The following GALNTL6 variants were observed in gnomAD, a reference collection of about 807,000 sequenced individuals.
GALNTL6 encodes the protein polypeptide N-acetylgalactosaminyltransferase-like 6.
GALNTL6 carries 46 observed loss-of-function variants against 73.7 expected under a neutral mutation model. That is an observed-to-expected ratio of 0.62 (90% CI 0.49 to 0.80). The LOEUF (loss-of-function observed/expected upper bound fraction) is 0.80. Among genes scored for constraint, GALNTL6 ranks in the 30% least tolerant of loss-of-function variants. GALNTL6 has a pLI of 0.00. For synonymous variants in GALNTL6, 259 were observed against 263.7 expected (o/e 0.98, Z 0.17); for missense variants, 604 against 755.0 (o/e 0.80, Z 2.34).
At chr4:172,935,184 G>A (rs1398489867) in intron 9 of GALNTL6, among the ~76,000 whole-genome samples, 1 of 152,206 alleles carries the variant, frequency 6.6e-6, no homozygotes, top group Non-Finnish European at 1.5e-5. Flanking sequence ...CAGACTGTGA[G>A]TGGGGCAGTC....
rs373903866 is a variant in GALNTL6 at position 171,883,726 on chromosome 4, C to T, written c.138+69008C>T. Reference sequence around the variant, plus strand: ...GCAGTGGCGCTATCTCAGCTCACTGCAAGCTCCGCCTCCCGGGTTCACGCC... The same window carrying T: ...GCAGTGGCGCTATCTCAGCTCACTGTAAGCTCCGCCTCCCGGGTTCACGCC... On this transcript the variant is annotated intron_variant, in intron 2 of 12. Transcript: ENST00000506823. Among the ~76,000 whole-genome samples the T allele has an allele frequency of 2.0e-3, 311 of 151,890 alleles. 1 individual carries two copies. Among genetic ancestry groups the T allele is most frequent in the African/African-American group, 7.0e-3 (289 of 41,462 alleles).
rs1240589473 is a variant in GALNTL6 at position 172,809,349 on chromosome 4, C to A, written c.554-12C>A. The A allele has an allele frequency of 6.2e-7, 1 of 1,611,206 alleles. No homozygotes were observed. Among genetic ancestry groups the A allele is most frequent in the South Asian group, 1.1e-5 (1 of 90,702 alleles). ...TTGCGTTTTTTCTATGCATTCTCTA[C>A]TTCCTACCTAGAACACCTGAAGGAT... On this transcript the variant is annotated splice_polypyrimidine_tract_variant and intron_variant, in intron 5 of 12. Coordinates refer to ENST00000506823, the MANE Select transcript of GALNTL6 (RefSeq NM_001034845.3). The surrounding 1 kb of genome is among the most constrained non-coding windows in gnomAD (Gnocchi z 4.4).
chr4:172,779,654 G>T (rs1463676175), intron 5 of GALNTL6, among the ~76,000 whole-genome samples: 2 of 152,196 alleles, frequency 1.3e-5, no homozygotes, highest in Non-Finnish European at 2.9e-5. Flanking sequence ...TTAGGGGAAT[G>T]GTTACTGTAG....
intron 2 of GALNTL6, among the ~76,000 whole-genome samples, chr4:172,010,590 A>C (rs553403345): frequency 2.7e-5 from 1 of 37,218 alleles, no homozygotes; most frequent in Admixed American, 4.7e-4. Flanking sequence ...GCTATTATTA[A>C]AATTTGGAAT....
At chr4:171,947,512 G>A (rs1738740293) in intron 2 of GALNTL6, among the ~76,000 whole-genome samples, 1 of 152,160 alleles carries the variant, frequency 6.6e-6, no homozygotes, top group Non-Finnish European at 1.5e-5. Context: ...TGAAGGACTT[G>A]AATGTTTTCA....
intron 5 of GALNTL6, among the ~76,000 whole-genome samples, chr4:172,764,124 A>T (rs764190402): frequency 2.0e-5 from 3 of 151,940 alleles, no homozygotes; most frequent in Middle Eastern, 3.4e-3. Flanking sequence ...GCGCCCAGCT[A>T]ATTTTGTATT....
intron 5 of GALNTL6, among the ~76,000 whole-genome samples, chr4:172,463,257 A>G (rs906551236): frequency 6.6e-6 from 1 of 152,020 alleles, no homozygotes; most frequent in South Asian, 2.1e-4. Flanking sequence ...CAAATGAGGG[A>G]GAAAGCAAAC....
intron 5 of GALNTL6, among the ~76,000 whole-genome samples, chr4:172,750,626 C>G (rs1737369474): frequency 6.6e-6 from 1 of 152,160 alleles, no homozygotes; most frequent in Non-Finnish European, 1.5e-5. Flanking sequence ...CCTTGACGTT[C>G]CTTTGCCTTT....
intron 7 of GALNTL6, among the ~76,000 whole-genome samples, chr4:172,870,286 T>C (rs2111161519): frequency 6.6e-6 from 1 of 152,294 alleles, no homozygotes; most frequent in African/African-American, 2.4e-5. Context: ...AGACAGATTT[T>C]GAAAGCCTGG....
intron 5 of GALNTL6, among the ~76,000 whole-genome samples, chr4:172,794,801 T>C (rs955162065): frequency 4.6e-5 from 7 of 152,330 alleles, no homozygotes; most frequent in Admixed American, 4.6e-4. Flanking sequence ...ATTTCCTTGG[T>C]AATAACTCCT....
intron 7 of GALNTL6, among the ~76,000 whole-genome samples, chr4:172,847,886 C>T (rs1743599037): frequency 6.6e-6 from 1 of 152,150 alleles, no homozygotes; most frequent in Non-Finnish European, 1.5e-5. Flanking sequence ...ATTGGGTTTT[C>T]ACCCAGCTTT....
intron 9 of GALNTL6, among the ~76,000 whole-genome samples, chr4:172,941,326 T>C (rs958035018): frequency 2.6e-5 from 4 of 152,238 alleles, no homozygotes; most frequent in Non-Finnish European, 5.9e-5. Context: ...AATATCTGAA[T>C]AGTGATCCCA....
chr4:173,017,078 CTACCATGATTGTAAGTTTCCTG>C (rs1752813218), intron 11 of GALNTL6, among the ~76,000 whole-genome samples: 1 of 152,136 alleles, frequency 6.6e-6, no homozygotes, highest in African/African-American at 2.4e-5. Flanking sequence ...GCTTTATCTT[CTACCATGATTGTAAGTTTCCTG>C]AGGCCTCCCC....
chr4:172,669,359 A>G (rs1391121735), intron 5 of GALNTL6, among the ~76,000 whole-genome samples: 1 of 152,210 alleles, frequency 6.6e-6, no homozygotes, highest in Non-Finnish European at 1.5e-5. Context: ...ATTGCCAAAA[A>G]TAATCTACCT....
chr4:171,973,792 C>T (rs939942007), intron 2 of GALNTL6, among the ~76,000 whole-genome samples: 6 of 152,030 alleles, frequency 3.9e-5, no homozygotes, highest in African/African-American at 1.4e-4. Flanking sequence ...TTGTTATTAT[C>T]GTTATAGAGA....
intron 5 of GALNTL6, among the ~76,000 whole-genome samples, chr4:172,423,945 T>C (rs1322171779): frequency 6.6e-6 from 1 of 152,120 alleles, no homozygotes; most frequent in East Asian, 1.9e-4. Context: ...CATTGAAGCA[T>C]TGAAGGCAAG....
At chr4:172,722,919 C>T (rs1735569780) in intron 5 of GALNTL6, among the ~76,000 whole-genome samples, 1 of 152,136 alleles carries the variant, frequency 6.6e-6, no homozygotes, top group African/African-American at 2.4e-5. Context: ...ATTTTATTAT[C>T]TTCCAGTTCT....
intron 5 of GALNTL6, among the ~76,000 whole-genome samples, chr4:172,633,434 G>A (rs1255437227): frequency 1.3e-5 from 2 of 152,168 alleles, no homozygotes; most frequent in Admixed American, 6.5e-5. Flanking sequence ...GCATGGGGCT[G>A]GTAGCCCCTT....
At chr4:172,402,261 T>C (rs975588) in intron 5 of GALNTL6, among the ~76,000 whole-genome samples, 59,932 of 151,816 alleles carry the variant, frequency 0.39, 14,333 homozygotes, top group South Asian at 0.64. Context: ...GTTGTCCCTG[T>C]GATTACTAAA....
Sources: gnomAD v4.1 joint callset for allele counts (sites outside exome capture counted in the v4.1 genomes callset) on GRCh38, gnomAD v4.1.1 for gene constraint, Gnocchi (gnomAD v3.1) non-coding constraint, MANE v1.5 for transcripts, NCBI Gene and HGNC (gene_info 2026-07-23, HGNC 2026-07-21) for gene names.